The following SDK1 variants were observed in gnomAD, a reference collection of about 807,000 sequenced individuals.
The protein encoded by SDK1 is protein sidekick-1.
SDK1 carries 157 observed loss-of-function variants against 245.5 expected under a neutral mutation model. That is an observed-to-expected ratio of 0.64 (90% CI 0.56 to 0.73). The LOEUF (loss-of-function observed/expected upper bound fraction) is 0.73. Among genes scored for constraint, SDK1 ranks in the 30% least tolerant of loss-of-function variants. The pLI is 0.00. For missense variants in SDK1, 3,583 were observed against 3,002.3 expected, an observed-to-expected ratio of 1.19 and a Z score of -4.52; for synonymous variants, 1,647 against 1,278.5, an observed-to-expected ratio of 1.29 and a Z score of -6.15.
chr7:3,564,757 A>G (rs889245404), intron 1 of SDK1, among the ~76,000 whole-genome samples: 1 of 152,170 alleles, frequency 6.6e-6, no homozygotes, highest in African/African-American at 2.4e-5. Context: ...AGAGAATTTT[A>G]TGGTTGAGTT....
intron 30 of SDK1, among the ~76,000 whole-genome samples, chr7:4,157,479 A>AAGGAGGGAAGGAAGGAGGGAAGGAAAGC: frequency 9.8e-6 from 1 of 102,560 alleles, no homozygotes; most frequent in South Asian, 3.5e-4. Flanking sequence ...GGAAGGAGGG[A>AAGGAGGGAAGGAAGGAGGGAAGGAAAGC]AGGAAGGGAG....
intron 4 of SDK1, among the ~76,000 whole-genome samples, chr7:3,746,020 G>C (rs1226831577): frequency 6.6e-6 from 1 of 152,116 alleles, no homozygotes; most frequent in African/African-American, 2.4e-5. Flanking sequence ...CTGTAAAGCA[G>C]GGCTAGTAAG....
At chr7:3,944,503 G>C (rs1176833092) in intron 5 of SDK1, among the ~76,000 whole-genome samples, 1 of 152,180 alleles carries the variant, frequency 6.6e-6, no homozygotes. Context: ...GAATCTTTAT[G>C]ATAAATTAAT....
chr7:4,203,690 A>G (rs1784025597), intron 35 of SDK1, among the ~76,000 whole-genome samples: 1 of 152,208 alleles, frequency 6.6e-6, no homozygotes, highest in Non-Finnish European at 1.5e-5. Context: ...TGTCAATGGC[A>G]GAGCCTTCCT....
intron 1 of SDK1, among the ~76,000 whole-genome samples, chr7:3,600,903 T>A (rs574114563): frequency 6.6e-6 from 1 of 152,166 alleles, no homozygotes; most frequent in Non-Finnish European, 1.5e-5. Context: ...TCCTCTCTAT[T>A]CCTAATTCGG....
chr7:4,139,094 G>A (rs911278616), intron 28 of SDK1, among the ~76,000 whole-genome samples: 1 of 151,678 alleles, frequency 6.6e-6, no homozygotes, highest in African/African-American at 2.4e-5. Flanking sequence ...GTTCTCCACC[G>A]GCCCCCACAG....
At chr7:4,011,650 C>G (rs1441365380) in intron 15 of SDK1, among the ~76,000 whole-genome samples, 2 of 152,228 alleles carry the variant, frequency 1.3e-5, no homozygotes, top group African/African-American at 4.8e-5. Flanking sequence ...CCCAACCAAC[C>G]TGAGCTTTCA....
At chr7:4,261,682 C>T (rs557721261) in intron 44 of SDK1, among the ~76,000 whole-genome samples, 10 of 152,328 alleles carry the variant, frequency 6.6e-5, no homozygotes, top group Admixed American at 5.9e-4. Context: ...CCTCGATACA[C>T]AGCTGATGAT....
chr7:3,950,272 T>C (rs946455020), intron 5 of SDK1, among the ~76,000 whole-genome samples: 1 of 152,200 alleles, frequency 6.6e-6, no homozygotes, highest in Non-Finnish European at 1.5e-5. Flanking sequence ...GCCCCAGGGC[T>C]TCTCATGGGA....
chr7:3,462,672 G>T (rs936485179), intron 1 of SDK1, among the ~76,000 whole-genome samples: 1 of 151,992 alleles, frequency 6.6e-6, no homozygotes. Flanking sequence ...TCTTCTTGAT[G>T]CCTCATCCAC....
chr7:4,144,339 G>A (rs902325331), intron 28 of SDK1, among the ~76,000 whole-genome samples: 5 of 152,140 alleles, frequency 3.3e-5, no homozygotes, highest in African/African-American at 4.8e-5. Flanking sequence ...GCAGGGCAGC[G>A]GCTGCGACAG....
intron 4 of SDK1, among the ~76,000 whole-genome samples, chr7:3,779,400 G>A (rs930213797): frequency 4.0e-5 from 6 of 151,860 alleles, no homozygotes; most frequent in South Asian, 2.1e-4. Context: ...GGGAGACATC[G>A]AACAGTAGTT....
chr7:3,879,367 A>G (rs1451351083), intron 5 of SDK1, among the ~76,000 whole-genome samples: 1 of 152,158 alleles, frequency 6.6e-6, no homozygotes, highest in Non-Finnish European at 1.5e-5. Flanking sequence ...GAGGCAAACA[A>G]CTGGGCGCTT....
intron 4 of SDK1, among the ~76,000 whole-genome samples, chr7:3,801,776 G>A (rs1159034810): frequency 6.6e-6 from 1 of 152,130 alleles, no homozygotes; most frequent in South Asian, 2.1e-4. Context: ...TCCCATTGCA[G>A]GGCCTTTGCA....
intron 5 of SDK1, among the ~76,000 whole-genome samples, chr7:3,844,070 A>G (rs188931380): frequency 6.6e-5 from 10 of 152,262 alleles, no homozygotes; most frequent in African/African-American, 2.2e-4. Context: ...TCCCGGGTTC[A>G]AGTGATTCTC....
chr7:4,120,244 A>G lies in SDK1; in HGVS notation c.3823+5970A>G, dbSNP rs1210702305. Among the ~76,000 whole-genome samples the G allele has an allele frequency of 9.4e-5, 14 of 149,210 alleles. 1 individual carries two copies. Among genetic ancestry groups the G allele is most frequent in the Admixed American group, 9.3e-4 (14 of 15,014 alleles). ...TAATAGCCGAGAAATTCCAGGGTTG[A>G]TGGAAAGCATTATTTACAAGACTGA... On this transcript the variant is annotated intron_variant, in intron 25 of 44. Transcript: ENST00000404826.
chr7:4,113,948 T>C, intron 24 of SDK1, 89 bp from the exon 25 acceptor site: 1 of 956,478 alleles, frequency 1.0e-6, no homozygotes, highest in South Asian at 1.5e-5. Flanking sequence ...TCCACGGAGT[T>C]GGCCTCACAG....
rs767057349 is a variant in SDK1, at chr7:3,971,428, T to C, written c.1715-38T>C. On this transcript the variant is annotated intron_variant, in intron 11 of 44. Coordinates refer to ENST00000404826, the MANE Select transcript of SDK1 (RefSeq NM_152744.4). ...CCCTGAGGGCAGAAACTGTCAAACT[T>C]GTCATTTCGTCTGACTCGTGACTTG... 3.5e-6 allele frequency: 5 copies of C among 1,448,450 alleles called. No homozygotes were observed. In the African/African-American group the frequency reaches 5.6e-5, roughly 16 times the overall value. 89.7% of individuals were successfully genotyped at this position (1,448,450 alleles called of 1,614,324 possible). A position where few individuals can be genotyped will look rare whatever the true frequency, so the allele number is the denominator to read the frequency against.
rs188499174 is a variant in SDK1 at position 3,693,896 on chromosome 7, C to T, written c.713+51791C>T. On this transcript the variant is annotated intron_variant, in intron 4 of 44. Coordinates refer to ENST00000404826, the MANE Select transcript of SDK1 (RefSeq NM_152744.4). ...TCTCCTTCCTGCACATTTGTCTCTG[C>T]CTTGACCCTGACCTCTGCCCCAGGA... 1.2e-4 allele frequency among the ~76,000 whole-genome samples: 18 copies of T among 152,268 alleles called. No homozygotes were observed. In the East Asian group the frequency reaches 2.5e-3, roughly 21 times the overall value.
Sources: allele counts gnomAD v4.1 joint callset (sites outside exome capture counted in the v4.1 genomes callset), GRCh38; gene constraint gnomAD v4.1.1; transcripts MANE v1.5; gene names NCBI Gene and HGNC (gene_info 2026-07-23, HGNC 2026-07-21).